The following CAMKMT variants were observed in gnomAD, a reference collection of about 807,000 sequenced individuals.
CAMKMT encodes calmodulin-lysine N-methyltransferase.
In CAMKMT, 53 loss-of-function variants were observed where a neutral mutation model predicts 48.0. The ratio of observed to expected loss-of-function variants is 1.10; its 90% CI spans 0.89 to 1.39. The LOEUF (loss-of-function observed/expected upper bound fraction) is 1.39, where lower values mean the gene tolerates loss of function less well. CAMKMT is among the 40% of genes most tolerant of loss of function. The pLI, the probability that CAMKMT is intolerant of heterozygous loss-of-function variation, is 0.00. For synonymous variants in CAMKMT, 165 were observed against 152.3 expected, an observed-to-expected ratio of 1.08 and a Z score of -0.61; for missense variants, 428 against 402.7, an observed-to-expected ratio of 1.06 and a Z score of -0.54.
At chr2:44,665,060 G>C (rs747728008) in intron 3 of CAMKMT, among the ~76,000 whole-genome samples, 2 of 151,946 alleles carry the variant, frequency 1.3e-5, no homozygotes, top group Non-Finnish European at 2.9e-5. Flanking sequence ...TCTCAAAGAG[G>C]TTTTTTTGTT....
rs550315009 is a variant in CAMKMT, at chr2:44,655,220, A to T, written c.377-49063A>T. On this transcript the variant is annotated intron_variant, in intron 3 of 10. Transcript: ENST00000378494. ...TTTTGGCTCTTCATGGCAATAATAA[A>T]CACATTTTTATTATGTATTAATACA... is the stretch of plus-strand genomic sequence containing the variant. 3.0e-3 allele frequency among the ~76,000 whole-genome samples: 453 copies of T among 152,334 alleles called. 2 individuals are homozygous for T. The highest frequency in any genetic ancestry group is 0.011 in the African/African-American group (438 of 41,576).
chr2:44,374,139 AAAAATC>A (rs1679449710), intron 2 of CAMKMT, among the ~76,000 whole-genome samples: 1 of 151,430 alleles, frequency 6.6e-6, no homozygotes. Flanking sequence ...AAAAAAAAAA[AAAAATC>A]AAAGTAAAGA....
intron 3 of CAMKMT, among the ~76,000 whole-genome samples, chr2:44,686,332 G>A (rs1676332971): frequency 1.3e-5 from 2 of 150,954 alleles, no homozygotes; most frequent in Non-Finnish European, 2.9e-5. Flanking sequence ...GGCAAAGCTT[G>A]CAGTGAGCTG....
At chr2:44,546,111 A>G (rs1667381048) in intron 3 of CAMKMT, among the ~76,000 whole-genome samples, 1 of 150,558 alleles carries the variant, frequency 6.6e-6, no homozygotes, top group African/African-American at 2.5e-5. Context: ...ATTCATCAGT[A>G]TCTGATCATA....
chr2:44,496,334 A>G (rs1186399008), intron 3 of CAMKMT, among the ~76,000 whole-genome samples: 1 of 152,186 alleles, frequency 6.6e-6, no homozygotes, highest in Non-Finnish European at 1.5e-5. Context: ...GAATAGAAGA[A>G]CAGCTGTTGT....
chr2:44,654,853 A>T (rs772151870), intron 3 of CAMKMT, among the ~76,000 whole-genome samples: 1 of 152,128 alleles, frequency 6.6e-6, no homozygotes, highest in Non-Finnish European at 1.5e-5. Context: ...ATGTCTTAGG[A>T]ATATTTCTCA....
At chr2:44,713,684 C>G (rs1160640840) in intron 6 of CAMKMT, among the ~76,000 whole-genome samples, 2 of 152,110 alleles carry the variant, frequency 1.3e-5, no homozygotes, top group Non-Finnish European at 2.9e-5. Context: ...TTGTAAACCT[C>G]AACAAAGCCC....
intron 3 of CAMKMT, among the ~76,000 whole-genome samples, chr2:44,589,287 G>C (rs1448501059): frequency 3.9e-5 from 2 of 50,774 alleles, no homozygotes; most frequent in Non-Finnish European, 8.4e-5. Flanking sequence ...CGCCTGGCCA[G>C]CCGCCCCATC....
chr2:44,699,862 C>G (rs75988215), intron 3 of CAMKMT, among the ~76,000 whole-genome samples: 3 of 152,316 alleles, frequency 2.0e-5, no homozygotes, highest in African/African-American at 7.2e-5. Flanking sequence ...TAGCCCCTAA[C>G]AAGAGACTCA....
At chr2:44,382,071 A>T (rs1174149199) in intron 2 of CAMKMT, among the ~76,000 whole-genome samples, 1 of 150,762 alleles carries the variant, frequency 6.6e-6, no homozygotes, top group Non-Finnish European at 1.5e-5. Flanking sequence ...CCTCCTGAGT[A>T]GTTGGGATTA....
intron 3 of CAMKMT, among the ~76,000 whole-genome samples, chr2:44,437,440 G>A (rs1666332297): frequency 2.0e-5 from 3 of 148,102 alleles, no homozygotes; most frequent in South Asian, 2.1e-4. Flanking sequence ...CAAGGGACCT[G>A]GGGCCGTCAA....
intron 10 of CAMKMT, among the ~76,000 whole-genome samples, chr2:44,767,742 TA>T (rs775784777): frequency 6.6e-6 from 1 of 151,620 alleles, no homozygotes; most frequent in East Asian, 1.9e-4. Flanking sequence ...TCCCTCCCCC[TA>T]AAAAAAAGCG....
chr2:44,728,157 C>T (rs901724615), intron 7 of CAMKMT, among the ~76,000 whole-genome samples: 3 of 152,112 alleles, frequency 2.0e-5, no homozygotes, highest in Non-Finnish European at 4.4e-5. Flanking sequence ...AACTCATGGA[C>T]TCAAGAAATC....
intron 3 of CAMKMT, among the ~76,000 whole-genome samples, chr2:44,418,758 A>G (rs1198512721): frequency 6.6e-6 from 1 of 152,198 alleles, no homozygotes; most frequent in Admixed American, 6.5e-5. Context: ...TTTAGGCTAA[A>G]CTTATCAATG....
intron 3 of CAMKMT, among the ~76,000 whole-genome samples, chr2:44,683,646 C>A (rs1676147647): frequency 6.6e-6 from 1 of 151,670 alleles, no homozygotes; most frequent in Admixed American, 6.6e-5. Flanking sequence ...CAGTGAAACC[C>A]CCTCTCTACT....
chr2:44,688,131 T>C (rs529593421), intron 3 of CAMKMT, among the ~76,000 whole-genome samples: 1 of 152,324 alleles, frequency 6.6e-6, no homozygotes, highest in African/African-American at 2.4e-5. Context: ...CCAGTGTTGT[T>C]TAATTTTTAA....
At chr2:44,767,046 G>A (rs1020937217) in intron 10 of CAMKMT, among the ~76,000 whole-genome samples, 2 of 152,188 alleles carry the variant, frequency 1.3e-5, no homozygotes, top group African/African-American at 2.4e-5. Flanking sequence ...TTTCACAGTT[G>A]TGGGGTTATA....
At chr2:44,435,208 G>T (rs1033655605) in intron 3 of CAMKMT, among the ~76,000 whole-genome samples, 14 of 152,082 alleles carry the variant, frequency 9.2e-5, no homozygotes, top group Admixed American at 3.3e-4. Context: ...CAACCATTTA[G>T]TATGTAAATT....
chr2:44,727,075 G>T (rs1468042224), intron 7 of CAMKMT, among the ~76,000 whole-genome samples: 2 of 151,980 alleles, frequency 1.3e-5, no homozygotes, highest in African/African-American at 4.8e-5. Flanking sequence ...TGTTCTTTTT[G>T]CTCAGGATTG....
Sources: gnomAD v4.1 joint callset for allele counts (sites outside exome capture counted in the v4.1 genomes callset) on GRCh38, gnomAD v4.1.1 for gene constraint, MANE v1.5 for transcripts, NCBI Gene and HGNC (gene_info 2026-07-23, HGNC 2026-07-21) for gene names.